The following NPAS3 variants were observed in gnomAD, a reference collection of about 807,000 sequenced individuals.
The protein encoded by NPAS3 is neuronal PAS domain protein 3, also known as neuronal PAS domain-containing protein 3.
Under a neutral mutation model 73.1 loss-of-function variants are expected in NPAS3, and 14 were observed. The ratio of observed to expected loss-of-function variants is 0.19; its 90% CI spans 0.13 to 0.30. The LOEUF is 0.30. Among genes scored for constraint, NPAS3 ranks in the 10% least tolerant of loss-of-function variants. NPAS3 has a pLI of 1.00. For missense variants in NPAS3, 1,096 were observed against 1,250.0 expected, an observed-to-expected ratio of 0.88 and a Z score of 1.86; for synonymous variants, 620 against 541.5, an observed-to-expected ratio of 1.14 and a Z score of -2.01.
intron 2 of NPAS3, among the ~76,000 whole-genome samples, chr14:33,123,431 C>T (rs1348478126): frequency 1.3e-5 from 2 of 152,098 alleles, no homozygotes. Context: ...ATTATTTCAG[C>T]TGTCCCATCC....
chr14:33,703,184 G>A (rs1014035452), intron 6 of NPAS3, among the ~76,000 whole-genome samples: 10 of 152,172 alleles, frequency 6.6e-5, no homozygotes, highest in South Asian at 4.2e-4. Context: ...AATGAATAGC[G>A]TTATGATATT....
chr14:32,968,540 A>G (rs2037282364), intron 1 of NPAS3, among the ~76,000 whole-genome samples: 1 of 152,196 alleles, frequency 6.6e-6, no homozygotes, highest in South Asian at 2.1e-4. Context: ...CTTGGAATAT[A>G]ATTATGAATT....
intron 4 of NPAS3, among the ~76,000 whole-genome samples, chr14:33,412,568 T>C (rs1434133366): frequency 1.3e-5 from 2 of 152,178 alleles, no homozygotes; most frequent in African/African-American, 2.4e-5. Flanking sequence ...TGATATATAT[T>C]GCCAAATTTA....
rs879293113 is a variant in NPAS3, at chr14:33,303,796, G to C, written c.386-63390G>C. 2.1e-3 allele frequency among the ~76,000 whole-genome samples: 310 copies of C among 146,846 alleles called. 2 individuals carry two copies. The highest frequency in any genetic ancestry group is 3.2e-3 in the Non-Finnish European group (214 of 66,498). ...GAATAGCAGTTATGCTGAATAAAAA[G>C]AAAATAAGATGTCTCAAATTCCAGT... On this transcript the variant is annotated intron_variant, in intron 3 of 11. Coordinates refer to ENST00000356141, the Ensembl canonical transcript of NPAS3.
At chr14:33,643,781 AATTGTT>A (rs1415211628) in intron 5 of NPAS3, among the ~76,000 whole-genome samples, 1 of 152,170 alleles carries the variant, frequency 6.6e-6, no homozygotes. Context: ...CTTCCAAGTT[AATTGTT>A]AAAGTTTTCT....
intron 2 of NPAS3, among the ~76,000 whole-genome samples, chr14:33,150,713 GATT>G (rs1298961849): frequency 6.6e-6 from 1 of 152,150 alleles, no homozygotes; most frequent in South Asian, 2.1e-4. Context: ...TAGGTGAAAT[GATT>G]TCTCCGTAAT....
At chr14:32,957,548 AT>A (rs796612681) in intron 1 of NPAS3, among the ~76,000 whole-genome samples, 1 of 151,528 alleles carries the variant, frequency 6.6e-6, no homozygotes, top group African/African-American at 2.4e-5. Context: ...ATTTTTTTGT[AT>A]TTTTAGTATA....
chr14:33,557,646 A>G (rs1485310297), intron 4 of NPAS3, among the ~76,000 whole-genome samples: 3 of 152,244 alleles, frequency 2.0e-5, no homozygotes, highest in East Asian at 1.9e-4. Flanking sequence ...GCCTAACTTC[A>G]CTAATCCTCA....
At chr14:33,058,553 C>T (rs941429357) in intron 2 of NPAS3, among the ~76,000 whole-genome samples, 12 of 152,104 alleles carry the variant, frequency 7.9e-5, no homozygotes, top group Non-Finnish European at 1.3e-4. Flanking sequence ...TCTATTACAG[C>T]GACGTTTTTC....
At chr14:33,764,479 G>A (rs1646543977) in intron 7 of NPAS3, among the ~76,000 whole-genome samples, 1 of 152,226 alleles carries the variant, frequency 6.6e-6, no homozygotes, top group Admixed American at 6.5e-5. Flanking sequence ...GAGCTTGGGG[G>A]TTCTAAAGAA....
chr14:33,592,795 C>T (rs1346060067), intron 5 of NPAS3, among the ~76,000 whole-genome samples: 2 of 152,226 alleles, frequency 1.3e-5, no homozygotes, highest in South Asian at 2.1e-4. Context: ...AACAGAGATG[C>T]TAATTGGACG....
chr14:33,742,189 A>G (rs1031361223), intron 7 of NPAS3, among the ~76,000 whole-genome samples: 2 of 152,134 alleles, frequency 1.3e-5, no homozygotes, highest in South Asian at 2.1e-4. Flanking sequence ...CAGGCTTTGC[A>G]CTCTTTAACA....
At chr14:33,211,070 C>G (rs1443534599) in intron 2 of NPAS3, among the ~76,000 whole-genome samples, 3 of 152,152 alleles carry the variant, frequency 2.0e-5, no homozygotes, top group Admixed American at 6.6e-5. Context: ...TACAGCATTA[C>G]TATGTGTCAG....
At chr14:33,022,051 G>A (rs1236447305) in intron 1 of NPAS3, among the ~76,000 whole-genome samples, 1 of 152,170 alleles carries the variant, frequency 6.6e-6, no homozygotes, top group African/African-American at 2.4e-5. Context: ...CCCAAACCCT[G>A]TACTTTTCCC....
intron 4 of NPAS3, among the ~76,000 whole-genome samples, chr14:33,451,741 T>C (rs898625867): frequency 2.6e-5 from 4 of 152,164 alleles, no homozygotes; most frequent in African/African-American, 9.7e-5. Flanking sequence ...CCCATTTTCA[T>C]CTAAGGAGAA....
intron 4 of NPAS3, among the ~76,000 whole-genome samples, chr14:33,535,166 T>G (rs918651351): frequency 6.6e-6 from 1 of 152,180 alleles, no homozygotes; most frequent in Non-Finnish European, 1.5e-5. Flanking sequence ...TAAAAGTATA[T>G]ATACTGTCAT....
intron 2 of NPAS3, among the ~76,000 whole-genome samples, chr14:33,115,652 T>C (rs1210584831): frequency 6.6e-6 from 1 of 152,212 alleles, no homozygotes; most frequent in Non-Finnish European, 1.5e-5. Flanking sequence ...ATGTGTTACC[T>C]AAATATAAAA....
chr14:33,175,864 C>T (rs1009471873), intron 2 of NPAS3, among the ~76,000 whole-genome samples: 1 of 151,998 alleles, frequency 6.6e-6, no homozygotes, highest in Non-Finnish European at 1.5e-5. Flanking sequence ...AAAATAAAAT[C>T]ATAAATTCTT....
intron 3 of NPAS3, among the ~76,000 whole-genome samples, chr14:33,302,159 C>A (rs985609090): frequency 3.3e-5 from 5 of 152,018 alleles, no homozygotes; most frequent in Middle Eastern, 3.2e-3. Flanking sequence ...GAAATAGGTT[C>A]TTGATTTGGG....
Sources: allele counts gnomAD v4.1 joint callset (sites outside exome capture counted in the v4.1 genomes callset), GRCh38; gene constraint gnomAD v4.1.1; transcripts MANE v1.5; gene names NCBI Gene and HGNC (gene_info 2026-07-23, HGNC 2026-07-21).